The following PPARA variants were observed in gnomAD, a reference collection of about 807,000 sequenced individuals.
PPARA encodes the protein peroxisome proliferator activated receptor alpha.
A neutral mutation model predicts 42.2 loss-of-function variants in PPARA; 22 were observed. The ratio of observed to expected loss-of-function variants is 0.52; its 90% CI spans 0.37 to 0.74. PPARA has a LOEUF of 0.74. Ranked by LOEUF, PPARA falls within the 30% of genes least tolerant of loss-of-function variation. The pLI is 0.00. For missense variants in PPARA, 465 were observed against 608.2 expected, an observed-to-expected ratio of 0.76 and a Z score of 2.48; for synonymous variants, 242 against 239.3, an observed-to-expected ratio of 1.01 and a Z score of -0.10.
In PPARA at chr22:46,215,213, T is replaced by C. The variant is rs757239382; in HGVS notation, c.249T>C (p.Tyr83=). The C allele has an allele frequency of 2.5e-6, 4 of 1,614,042 alleles. No homozygotes were observed. Among genetic ancestry groups the C allele is most frequent in the Admixed American group, 3.3e-5 (2 of 59,996 alleles). ...SPASSPSSVT[Y]PVVPGSVDES... is the part of the protein sequence containing the mutation. ...CTTCGAGCCCCTCCTCGGTGACTTA[T>C]CCTGTGGTCCCCGGCAGCGTGGACG... is the stretch of plus-strand genomic sequence containing the variant. Residue 83 remains tyrosine, a synonymous_variant, in exon 5 of 9, where the codon TAT becomes TAC. Transcript: ENST00000407236.
Position 46,221,837 on chromosome 22 carries a change from A to G in PPARA, c.711+1823A>G, listed in dbSNP as rs1935030981. Among the ~76,000 whole-genome samples, 1 of 151,994 alleles carries G rather than the reference A, an allele frequency of 6.6e-6. No individual in the cohort carries two copies. The highest frequency in any genetic ancestry group is 1.5e-5 in the Non-Finnish European group (1 of 68,006). ...ATGTCTGTAATCCCAGCACTTTGGG[A>G]GGCTGAGGTGGGTGGATCACTTGAG... is the stretch of plus-strand genomic sequence containing the variant. On this transcript the variant is annotated intron_variant, in intron 7 of 8. Coordinates refer to ENST00000407236, the MANE Select transcript of PPARA (RefSeq NM_005036.6). This position sits in a 1 kb window ranked among gnomAD's most constrained non-coding sequence, Gnocchi z 5.9.
rs1427670451 is a variant in PPARA, at chr22:46,211,454, T to A, written c.209-3719T>A. On this transcript the variant is annotated intron_variant, in intron 4 of 8. Transcript: ENST00000407236. This position sits in a 1 kb window ranked among gnomAD's most constrained non-coding sequence, Gnocchi z 4.1. ...TACAGATTCCAATCATTCCAAATTA[T>A]TCGGTGCAGCGCCTTTCCGCACCTG... Among the ~76,000 whole-genome samples the A allele has an allele frequency of 6.6e-6, 1 of 152,222 alleles. No individual in the cohort carries two copies. Among genetic ancestry groups the A allele is most frequent in the African/African-American group, 2.4e-5 (1 of 41,476 alleles).
In PPARA at chr22:46,230,743, G is replaced by A. The variant is rs1935811227; in HGVS notation, c.712-1049G>A. On this transcript the variant is annotated intron_variant, in intron 7 of 8. Coordinates refer to ENST00000407236, the MANE Select transcript of PPARA (RefSeq NM_005036.6). This position sits in a 1 kb window ranked among gnomAD's most constrained non-coding sequence, Gnocchi z 5.0. ...TGAAGGTTTCAGTTTCCTGCACTGA[G>A]AGAAACAAGGGCATTCCGAGGCTTT... Among the ~76,000 whole-genome samples the A allele has an allele frequency of 1.3e-5, 2 of 152,228 alleles. No individual in the cohort carries two copies. The highest frequency in any genetic ancestry group is 4.1e-4 in the South Asian group (2 of 4,834).
rs1011407733 is a variant in PPARA, at chr22:46,200,831, G to A, written c.208+2240G>A. On this transcript the variant is annotated intron_variant, in intron 4 of 8. Transcript: ENST00000407236. The surrounding 1 kb of genome is among the most constrained non-coding windows in gnomAD (Gnocchi z 4.8). ...TACTCTACTCAGGAGGCTGAGGCAGGGAGAATTGCTTGAACCCAGGAGGCA... is the reference window on the plus strand; with the variant it reads ...TACTCTACTCAGGAGGCTGAGGCAGAGAGAATTGCTTGAACCCAGGAGGCA... 4.6e-5 allele frequency among the ~76,000 whole-genome samples: 7 copies of A among 152,148 alleles called. No homozygotes were observed. The highest frequency in any genetic ancestry group is 1.4e-4 in the African/African-American group (6 of 41,510).
At position 46,160,681 on chromosome 22, in the gene PPARA, A is replaced by G. The variant is rs1926031176; in HGVS notation, c.-127+8711A>G. ...AGTGGTGTGATCTCAGCTCACTGCA[A>G]CCTCCACCTCTCTGGCTCAAGCAAT... On this transcript the variant is annotated intron_variant, in intron 2 of 8. Coordinates refer to ENST00000407236, the MANE Select transcript of PPARA (RefSeq NM_005036.6). This position sits in a 1 kb window ranked among gnomAD's most constrained non-coding sequence, Gnocchi z 4.5. Among the ~76,000 whole-genome samples the G allele has an allele frequency of 6.6e-6, 1 of 151,940 alleles. No homozygotes were observed. The highest frequency in any genetic ancestry group is 2.4e-5 in the African/African-American group (1 of 41,352).
Position 46,191,345 on chromosome 22 carries a change from C to G in PPARA, c.-42-6997C>G, listed in dbSNP as rs1931517291. 6.6e-6 allele frequency among the ~76,000 whole-genome samples: 1 copy of G among 152,170 alleles called. No individual in the cohort carries two copies. The highest frequency in any genetic ancestry group is 2.4e-5 in the African/African-American group (1 of 41,432). The stretch of plus-strand genomic sequence containing the variant: ...GGTTTCCCTTCGGTCTCCTTTTATT[C>G]CAAGCAAGTGGCAAAACTACTTTAC... On this transcript the variant is annotated intron_variant, in intron 3 of 8. Transcript: ENST00000407236. The surrounding 1 kb of genome is among the most constrained non-coding windows in gnomAD (Gnocchi z 4.6).
In PPARA at chr22:46,200,741, C is replaced by T. The variant is rs1932795677; in HGVS notation, c.208+2150C>T. On this transcript the variant is annotated intron_variant, in intron 4 of 8. Coordinates refer to ENST00000407236, the MANE Select transcript of PPARA (RefSeq NM_005036.6). This position sits in a 1 kb window ranked among gnomAD's most constrained non-coding sequence, Gnocchi z 4.8. ...GACCAGTCTGGCCAACATGGCAAAACCCCATCTCTACTAAAGAATACAAAA... is the reference window on the plus strand; with the variant it reads ...GACCAGTCTGGCCAACATGGCAAAATCCCATCTCTACTAAAGAATACAAAA... 1.3e-5 allele frequency among the ~76,000 whole-genome samples: 2 copies of T among 151,738 alleles called. No homozygotes were observed. Among genetic ancestry groups the T allele is most frequent in the South Asian group, 4.2e-4 (2 of 4,812 alleles).
At position 46,208,899 on chromosome 22, in the gene PPARA, C is replaced by CGT. The variant is rs35658961; in HGVS notation, c.209-6258_209-6257dup. Among the ~76,000 whole-genome samples, 360 of 148,812 alleles carry CGT rather than the reference C, an allele frequency of 2.4e-3. 2 individuals carry two copies. Among genetic ancestry groups the CGT allele is most frequent in the African/African-American group, 8.0e-3 (317 of 39,520 alleles). On this transcript the variant is annotated intron_variant, in intron 4 of 8. Coordinates refer to ENST00000407236, the MANE Select transcript of PPARA (RefSeq NM_005036.6). The stretch of plus-strand genomic sequence containing the variant: ...TTCTTTTTTAAGGCTGAATAGTATT[C>CGT]GTGTGTGTGTGTGTGTGCGTGTGTG...
Position 46,198,700 on chromosome 22 carries a change from G to A in PPARA, c.208+109G>A, listed in dbSNP as rs202011775. On this transcript the variant is annotated intron_variant, in intron 4 of 8. Transcript: ENST00000407236. Reference sequence around the variant, plus strand: ...TTTTGAGACGGAGTCTCGCTCTGTCGCCCAGGCTGGAGTGCAATGGCTCGA... The same window carrying A: ...TTTTGAGACGGAGTCTCGCTCTGTCACCCAGGCTGGAGTGCAATGGCTCGA... 248 of 1,151,708 alleles carry A rather than the reference G, an allele frequency of 2.2e-4. No individual in the cohort carries two copies. In the East Asian group the frequency reaches 6.2e-3, roughly 29 times the overall value. 71.3% of individuals were successfully genotyped at this position (1,151,708 alleles called of 1,614,324 possible). A position where few individuals can be genotyped will look rare whatever the true frequency, so the allele number is the denominator to read the frequency against.
intron 7 of PPARA, among the ~76,000 whole-genome samples, chr22:46,226,457 TGAA>T (rs1236585607): frequency 2.0e-5 from 3 of 152,210 alleles, no homozygotes; most frequent in Non-Finnish European, 4.4e-5. Flanking sequence ...TCAGTTCAAA[TGAA>T]GAAAGTAGGA....
rs1281991271 is a variant in PPARA at position 46,161,660 on chromosome 22, G to A, written c.-127+9690G>A. On this transcript the variant is annotated intron_variant, in intron 2 of 8. Coordinates refer to ENST00000407236, the MANE Select transcript of PPARA (RefSeq NM_005036.6). The surrounding 1 kb of genome is among the most constrained non-coding windows in gnomAD (Gnocchi z 4.8). ...ATTAATTTCTTCTGAGAGAGAAAAA[G>A]ATGAGATTCTAGCCTAAGGTGTAAC... Among the ~76,000 whole-genome samples, 1 of 152,184 alleles carries A rather than the reference G, an allele frequency of 6.6e-6. No homozygotes were observed. The highest frequency in any genetic ancestry group is 2.4e-5 in the African/African-American group (1 of 41,442).
chr22:46,239,531 G>C lies in PPARA; in HGVS notation c.*4151G>C, dbSNP rs1438687220. On this transcript the variant is annotated 3_prime_UTR_variant, in exon 9 of 9. Transcript: ENST00000407236. ...CTGGAAGGAACTTCGGTTGTGTAAA[G>C]GGAGCCTTGAAGATACGTGCAAAAG... 1 of 148,746 alleles carries C rather than the reference G, an allele frequency of 6.7e-6. No homozygotes were observed. The highest frequency in any genetic ancestry group is 1.5e-5 in the Non-Finnish European group (1 of 67,386). The allele number at this position is 148,746 out of a possible 1,614,324, so 9.2% of individuals were successfully genotyped here. A position where few individuals can be genotyped will look rare whatever the true frequency, so the allele number is the denominator to read the frequency against.
chr22:46,198,548 G>A lies in PPARA; in HGVS notation c.165G>A (p.Gln55=), dbSNP rs1457747276. ...GAAGCTTTGGCTTTACGGAATACCAGTATTTAGGAAGCTGTCCTGGCTCAG... is the reference window on the plus strand; with the variant it reads ...GAAGCTTTGGCTTTACGGAATACCAATATTTAGGAAGCTGTCCTGGCTCAG... ...SSGSFGFTEY[Q]YLGSCPGSDG... is the part of the protein sequence containing the mutation. The change falls in exon 4 of 9, where the codon CAG becomes CAA. Residue 55 remains glutamine (Q), a synonymous_variant. Transcript: ENST00000407236. 1 of 1,612,724 alleles carries A rather than the reference G, an allele frequency of 6.2e-7. No homozygotes were observed. Among genetic ancestry groups the A allele is most frequent in the Non-Finnish European group, 8.5e-7 (1 of 1,179,162 alleles).
At position 46,243,028 on chromosome 22, in the gene PPARA, A is replaced by G. The variant is rs1936418310; in HGVS notation, c.*7648A>G. 1 of 152,646 alleles carries G rather than the reference A, an allele frequency of 6.6e-6. No homozygotes were observed. The highest frequency in any genetic ancestry group is 2.4e-5 in the African/African-American group (1 of 41,452). 9.5% of individuals were successfully genotyped at this position (152,646 alleles called of 1,614,324 possible). ...TACCAAAGAACGCTGGCAATTGGAA[A>G]TGTCCTGATGGAAATTCTTTGCACG... On this transcript the variant is annotated 3_prime_UTR_variant, in exon 9 of 9. Coordinates refer to ENST00000407236, the MANE Select transcript of PPARA (RefSeq NM_005036.6). The surrounding 1 kb of genome is among the most constrained non-coding windows in gnomAD (Gnocchi z 5.0).
chr22:46,170,867 G>A (rs1927916355), intron 2 of PPARA, among the ~76,000 whole-genome samples: 1 of 151,594 alleles, frequency 6.6e-6, no homozygotes, highest in Admixed American at 6.6e-5. Context: ...GTAGGATAAA[G>A]TACAGAGGCC....
chr22:46,186,302 T>A (rs1930795022), intron 3 of PPARA, among the ~76,000 whole-genome samples: 1 of 152,048 alleles, frequency 6.6e-6, no homozygotes, highest in Non-Finnish European at 1.5e-5. Context: ...CTCACATAAA[T>A]CTAATTTTCC....
In PPARA at chr22:46,235,332, T is replaced by C. The variant is rs1206063837; in HGVS notation, c.1359T>C (p.Asp453=). The C allele has an allele frequency of 2.5e-6, 4 of 1,614,068 alleles. No homozygotes were observed. The highest frequency in any genetic ancestry group is 1.1e-5 in the South Asian group (1 of 91,082). ...LVQIIKKTES[D]AALHPLLQEI... is the part of the protein sequence containing the mutation. The stretch of plus-strand genomic sequence containing the variant: ...AGATCATCAAGAAGACGGAGTCGGA[T>C]GCTGCGCTGCACCCGCTACTGCAGG... The change falls in exon 9 of 9, where the codon GAT becomes GAC. Residue 453 remains aspartate (D), a synonymous_variant. Coordinates refer to ENST00000407236, the MANE Select transcript of PPARA (RefSeq NM_005036.6). This position sits in a 1 kb window ranked among gnomAD's most constrained non-coding sequence, Gnocchi z 7.0.
intron 2 of PPARA, among the ~76,000 whole-genome samples, chr22:46,168,104 G>T (rs1367648761): frequency 6.6e-6 from 1 of 151,680 alleles, no homozygotes; most frequent in African/African-American, 2.4e-5. Flanking sequence ...TGTAATCCCA[G>T]CACTTTGGGA....
At chr22:46,209,190 G>A in intron 4 of PPARA, among the ~76,000 whole-genome samples, 1 of 152,076 alleles carries the variant, frequency 6.6e-6, no homozygotes, top group East Asian at 1.9e-4. Flanking sequence ...AGTGGACATG[G>A]GTTCTTTTTT....
Sources: allele counts gnomAD v4.1 joint callset (sites outside exome capture counted in the v4.1 genomes callset), GRCh38; gene constraint gnomAD v4.1.1; non-coding constraint Gnocchi (gnomAD v3.1); transcripts MANE v1.5; gene names NCBI Gene and HGNC (gene_info 2026-07-23, HGNC 2026-07-21).